ATP2B2: variants seen among roughly 807,000 people sequenced by gnomAD.
ATP2B2 encodes the protein ATPase plasma membrane Ca2+ transporting 2, also known as plasma membrane calcium-transporting ATPase 2.
Under a neutral mutation model 120.0 loss-of-function variants are expected in ATP2B2, and 15 were observed. The observed-to-expected ratio is 0.12, with a 90% CI of 0.08 to 0.19. ATP2B2 has a LOEUF of 0.19. Among genes scored for constraint, ATP2B2 ranks in the 10% least tolerant of loss-of-function variants. The probability of loss-of-function intolerance (pLI) is 1.00; values close to 1 mark genes in which losing one functional copy is unlikely to be tolerated. For missense variants in ATP2B2, 1,045 were observed against 1,719.8 expected, an observed-to-expected ratio of 0.61 and a Z score of 6.94; for synonymous variants, 694 against 700.3, an observed-to-expected ratio of 0.99 and a Z score of 0.14.
At position 10,347,486 on chromosome 3, in the gene ATP2B2, A is replaced by G. The variant is rs2060462436; in HGVS notation, c.2405-1349T>C. ...GGCGCTGAGTTCCATAACCTGGGGC[A>G]CTGTGCCCCCAACCTGCTCCCTTGC... On this transcript the variant is annotated intron_variant, in intron 16 of 22. Transcript: ENST00000360273. This position sits in a 1 kb window ranked among gnomAD's most constrained non-coding sequence, Gnocchi z 5.2. Among the ~76,000 whole-genome samples the G allele has an allele frequency of 6.6e-6, 1 of 152,156 alleles. No individual in the cohort carries two copies. The highest frequency in any genetic ancestry group is 2.1e-4 in the South Asian group (1 of 4,828).
intron 9 of ATP2B2, 39 bp from the exon 10 acceptor site, chr3:10,378,449 A>C: frequency 6.3e-7 from 1 of 1,598,416 alleles, no homozygotes; most frequent in Non-Finnish European, 8.5e-7. Context: ...ACACACAGAC[A>C]CATAGACACA....
chr3:10,580,113 G>C (rs1026572140), intron 2 of ATP2B2, among the ~76,000 whole-genome samples: 1 of 151,588 alleles, frequency 6.6e-6, no homozygotes, highest in Non-Finnish European at 1.5e-5. Flanking sequence ...GTGGATTACG[G>C]GCCATGTATA....
chr3:10,692,525 T>C (rs2071683471), intron 1 of ATP2B2, among the ~76,000 whole-genome samples: 1 of 152,184 alleles, frequency 6.6e-6, no homozygotes, highest in Admixed American at 6.5e-5. Context: ...TCTGAAATGA[T>C]TCTCTTGGTG....
intron 2 of ATP2B2, among the ~76,000 whole-genome samples, chr3:10,563,584 C>T (rs760508342): frequency 2.6e-5 from 4 of 152,184 alleles, no homozygotes; most frequent in Non-Finnish European, 4.4e-5. Context: ...ATCCAGCTCC[C>T]GCTACTTGCA....
intron 2 of ATP2B2, among the ~76,000 whole-genome samples, chr3:10,565,902 C>T (rs574254925): frequency 8.5e-5 from 13 of 152,268 alleles, no homozygotes; most frequent in African/African-American, 1.4e-4. Flanking sequence ...CATTTGCTTT[C>T]CCTCACTTCA....
At chr3:10,456,963 C>A (rs561497924) in intron 1 of ATP2B2, among the ~76,000 whole-genome samples, 16 of 152,232 alleles carry the variant, frequency 1.1e-4, no homozygotes, top group Non-Finnish European at 2.2e-4. Flanking sequence ...CTCCCTTGTC[C>A]TCACCCAGAG....
At chr3:10,669,473 T>G (rs1005937573) in intron 1 of ATP2B2, among the ~76,000 whole-genome samples, 1 of 151,826 alleles carries the variant, frequency 6.6e-6, no homozygotes, top group Non-Finnish European at 1.5e-5. Flanking sequence ...TGTTTGGGGC[T>G]CACCTCTCAA....
chr3:10,359,875 C>T lies in ATP2B2; in HGVS notation c.1901+7G>A, dbSNP rs765278826. 1.9e-5 allele frequency: 30 copies of T among 1,614,062 alleles called. 1 individual carries two copies. In the Admixed American group the frequency reaches 3.0e-4, roughly 16 times the overall value. Reference sequence around the variant, plus strand: ...CCCTCAGCCCCGGTGCCCTGCCCAGCGCTTACTTCTTGAGCACGATCTCAG... The same window carrying T: ...CCCTCAGCCCCGGTGCCCTGCCCAGTGCTTACTTCTTGAGCACGATCTCAG... On this transcript the variant is annotated splice_region_variant and intron_variant, in intron 13 of 22. Coordinates refer to ENST00000360273, the MANE Select transcript of ATP2B2 (RefSeq NM_001001331.4).
At chr3:10,461,294 C>A (rs1349532278) in intron 1 of ATP2B2, among the ~76,000 whole-genome samples, 1 of 152,226 alleles carries the variant, frequency 6.6e-6, no homozygotes, top group Non-Finnish European at 1.5e-5. Context: ...TCATCTTCCA[C>A]ACTTGAGCCC....
intron 1 of ATP2B2, among the ~76,000 whole-genome samples, chr3:10,652,706 C>T (rs1248805958): frequency 6.6e-6 from 1 of 152,168 alleles, no homozygotes; most frequent in Admixed American, 6.5e-5. Context: ...GGGAACAACG[C>T]AAGTGTCCAT....
At chr3:10,432,369 C>T (rs529427163) in intron 2 of ATP2B2, among the ~76,000 whole-genome samples, 1 of 152,316 alleles carries the variant, frequency 6.6e-6, no homozygotes, top group African/African-American at 2.4e-5. Context: ...GCCTGGCAGG[C>T]TCCCAGAGAT....
chr3:10,486,324 C>CGTGTGTGCGTGTGTGCGTGTGTGCGT (rs763360449), intron 1 of ATP2B2, among the ~76,000 whole-genome samples: 3 of 117,088 alleles, frequency 2.6e-5, no homozygotes, highest in Non-Finnish European at 6.3e-5. Flanking sequence ...TGTGTGCGTG[C>CGTGTGTGCGTGTGTGCGTGTGTGCGT]GTGTGTGTGT....
In ATP2B2 at chr3:10,340,559, A is replaced by G. The variant is rs2060246935; in HGVS notation, c.3063T>C (p.Asn1021=). 6.2e-7 allele frequency: 1 copy of G among 1,614,166 alleles called. No individual in the cohort carries two copies. Among genetic ancestry groups the G allele is most frequent in the South Asian group, 1.1e-5 (1 of 91,066 alleles). ...GGTTCCGGAAGATGCCGTCAAAGAC[A>G]TTGCGCTCGCCGTGGATCTTGCGGG... ...INARKIHGER[N]VFDGIFRNPI... Residue 1021 remains asparagine, a synonymous_variant, in exon 20 of 23, where the codon AAT becomes AAC. Transcript: ENST00000360273. This position sits in a 1 kb window ranked among gnomAD's most constrained non-coding sequence, Gnocchi z 5.0.
At chr3:10,430,439 C>G (rs1294880462) in intron 2 of ATP2B2, among the ~76,000 whole-genome samples, 1 of 152,158 alleles carries the variant, frequency 6.6e-6, no homozygotes, top group African/African-American at 2.4e-5. Context: ...TTCCAACCCT[C>G]ATGGATAACT....
intron 2 of ATP2B2, among the ~76,000 whole-genome samples, chr3:10,421,494 C>T (rs1247892491): frequency 6.6e-6 from 1 of 152,214 alleles, no homozygotes; most frequent in Non-Finnish European, 1.5e-5. Flanking sequence ...TTGTCTCCTA[C>T]TGGTGGCTGC....
intron 3 of ATP2B2, among the ~76,000 whole-genome samples, chr3:10,525,279 G>C (rs2067069006): frequency 6.6e-6 from 1 of 152,212 alleles, no homozygotes; most frequent in Admixed American, 6.5e-5. Context: ...GTTGTAGTTA[G>C]TCCACTGCTG....
intron 2 of ATP2B2, among the ~76,000 whole-genome samples, chr3:10,446,901 C>T (rs758672686): frequency 3.9e-5 from 6 of 152,234 alleles, no homozygotes; most frequent in Non-Finnish European, 7.3e-5. Flanking sequence ...AAACAGAGTT[C>T]TTTACTTTTC....
intron 2 of ATP2B2, among the ~76,000 whole-genome samples, chr3:10,420,809 C>T (rs1343949861): frequency 6.6e-6 from 1 of 152,214 alleles, no homozygotes; most frequent in Non-Finnish European, 1.5e-5. Flanking sequence ...GAGCTTTCTC[C>T]AAGGCACTAG....
At chr3:10,617,659 G>A (rs2069430685) in intron 2 of ATP2B2, among the ~76,000 whole-genome samples, 1 of 152,212 alleles carries the variant, frequency 6.6e-6, no homozygotes. Context: ...AAAGACCAAG[G>A]GCTTAGCCGT....
Sources: gnomAD v4.1 joint callset for allele counts (sites outside exome capture counted in the v4.1 genomes callset) on GRCh38, gnomAD v4.1.1 for gene constraint, Gnocchi (gnomAD v3.1) non-coding constraint, MANE v1.5 for transcripts, NCBI Gene and HGNC (gene_info 2026-07-23, HGNC 2026-07-21) for gene names.